PNLIPRP1: variants seen among roughly 807,000 people sequenced by gnomAD.
PNLIPRP1 encodes the protein pancreatic lipase related protein 1, also known as inactive pancreatic lipase-related protein 1.
A neutral mutation model predicts 54.6 loss-of-function variants in PNLIPRP1; 57 were observed. That is an observed-to-expected ratio of 1.04 (90% CI 0.84 to 1.30). The LOEUF (loss-of-function observed/expected upper bound fraction) is 1.30, where lower values mean the gene tolerates loss of function less well. PNLIPRP1 is among the 50% of genes most tolerant of loss of function. The pLI is 0.00. For synonymous variants in PNLIPRP1, 232 were observed against 208.8 expected (o/e 1.11, Z -0.96); for missense variants, 567 against 568.5 (o/e 1.00, Z 0.03).
In PNLIPRP1 at chr10:116,591,913, A is replaced by G. The variant is rs782610931; in HGVS notation, c.192A>G (p.Pro64=). The part of the protein sequence containing the change: ...TRFLLYTNEN[P]NNFQILLLSD... ...TCCTGCTGTACACCAATGAAAACCC[A>G]AACAACTTTCAAGTGAGACCTCTGT... Residue 64 remains proline (P), a synonymous_variant, in exon 3 of 13, where the codon CCA becomes CCG. Transcript: ENST00000358834. 3.1e-6 allele frequency: 5 copies of G among 1,614,126 alleles called. No homozygotes were observed. The highest frequency in any genetic ancestry group is 3.3e-5 in the Admixed American group (2 of 60,016).
intron 4 of PNLIPRP1, among the ~76,000 whole-genome samples, chr10:116,593,354 C>A (rs1028304010): frequency 6.6e-6 from 1 of 152,036 alleles, no homozygotes; most frequent in Non-Finnish European, 1.5e-5. Flanking sequence ...CATGTGCGTG[C>A]AATATACCAC....
At position 116,609,068 on chromosome 10, in the gene PNLIPRP1, C is replaced by T. The variant is rs926184748; in HGVS notation, c.1356C>T (p.Ser452=). 1 of 1,613,010 alleles carries T rather than the reference C, an allele frequency of 6.2e-7. No individual in the cohort carries two copies. Among genetic ancestry groups the T allele is most frequent in the Non-Finnish European group, 8.5e-7 (1 of 1,179,014 alleles). ...TTCTCCCCAGGTACAACTTCTGTAG[C>T]GAAGACACAGTGCGGGAAGACACGC... ...GEEKTVYNFC[S]EDTVREDTLL... is the part of the protein sequence containing the mutation. The change falls in exon 13 of 13, where the codon AGC becomes AGT. Residue 452 remains serine (S), a synonymous_variant. Coordinates refer to ENST00000358834, the MANE Select transcript of PNLIPRP1 (RefSeq NM_006229.4).
At position 116,598,065 on chromosome 10, in the gene PNLIPRP1, A is replaced by T; in HGVS notation, c.713A>T (p.Gln238Leu). The change falls in exon 8 of 13, where the codon CAG (glutamine) becomes CTG (leucine). Residue 238 changes from glutamine (Q) to leucine (L), a missense_variant. Transcript: ENST00000358834. ...ATTTCAGGTTTTGGAACGAACCAACAGATGGGTCATCTTGACTTCTTCCCC... is the reference window on the plus strand; with the variant it reads ...ATTTCAGGTTTTGGAACGAACCAACTGATGGGTCATCTTGACTTCTTCCCC... ...IPFLGFGTNQ[Q>L]MGHLDFFPNG... is the part of the protein sequence containing the mutation. The T allele has an allele frequency of 2.5e-6, 4 of 1,614,194 alleles. No individual in the cohort carries two copies. Among genetic ancestry groups the T allele is most frequent in the African/African-American group, 1.3e-5 (1 of 75,050 alleles).
chr10:116,595,813 G>C, intron 5 of PNLIPRP1: 1 of 162,306 alleles, frequency 6.2e-6, no homozygotes, highest in Non-Finnish European at 1.4e-5. Context: ...GGAACACATA[G>C]AAGGCAGCTA....
intron 2 of PNLIPRP1, among the ~76,000 whole-genome samples, 184 bp downstream of exon 2, chr10:116,591,362 C>A (rs72825619): frequency 0.026 from 3,956 of 152,210 alleles, 68 homozygotes; most frequent in Middle Eastern, 0.037. Context: ...TCTGGGGATC[C>A]CCCCAGTGGC....
Position 116,605,388 on chromosome 10 carries a change from G to C in PNLIPRP1, c.1175G>C (p.Gly392Ala). 1 of 1,568,006 alleles carries C rather than the reference G, an allele frequency of 6.4e-7. No individual in the cohort carries two copies. The highest frequency in any genetic ancestry group is 8.7e-7 in the Non-Finnish European group (1 of 1,148,210). ...GNTHQYSIFR[G>A]ILKPGSTHSY... is the part of the protein sequence containing the mutation. ...TGTTTATGTTTCTCTATTTCAAGGG[G>C]GATTCTCAAACCAGGCTCAACCCAT... Residue 392 changes from glycine to alanine, a missense_variant and splice_region_variant, in exon 12 of 13, where the codon GGG becomes GCG. Transcript: ENST00000358834.
At chr10:116,592,283 TG>T in intron 3 of PNLIPRP1, 132 bp from the exon 4 acceptor site, 1 of 949,088 alleles carries the variant, frequency 1.1e-6, no homozygotes, top group Non-Finnish European at 1.6e-6. Flanking sequence ...GAGATCAGGG[TG>T]GGCTTCATGG....
chr10:116,597,792 G>A (rs1847762247), intron 6 of PNLIPRP1, 36 bp from the exon 7 acceptor site: 2 of 1,613,700 alleles, frequency 1.2e-6, no homozygotes, highest in Middle Eastern at 1.7e-4. Context: ...TCTACAGTCA[G>A]GTCTATTGTT....
In PNLIPRP1 at chr10:116,604,043, G is replaced by A. The variant is rs782553168; in HGVS notation, c.1077G>A (p.Gly359=). Residue 359 remains glycine, a synonymous_variant, in exon 11 of 13, where the codon GGG becomes GGA. Coordinates refer to ENST00000358834, the MANE Select transcript of PNLIPRP1 (RefSeq NM_006229.4). ...EASNFARWRY[G]VSITLSGRTA... ...TCTCCTGTGCAGGCTGGAGATATGGGGTTTCCATCACACTGTCTGGAAGAA... is the reference window on the plus strand; with the variant it reads ...TCTCCTGTGCAGGCTGGAGATATGGAGTTTCCATCACACTGTCTGGAAGAA... 1.9e-6 allele frequency: 3 copies of A among 1,611,774 alleles called. No individual in the cohort carries two copies. The highest frequency in any genetic ancestry group is 2.2e-5 in the East Asian group (1 of 44,828).
At chr10:116,601,032 A>G (rs1847827591) in intron 9 of PNLIPRP1, 40 bp from the exon 10 acceptor site, 3 of 1,577,902 alleles carry the variant, frequency 1.9e-6, no homozygotes, top group South Asian at 2.3e-5. Flanking sequence ...TCATACAAAC[A>G]CAAATTCTCC....
chr10:116,597,578 T>C (rs1189161144), intron 6 of PNLIPRP1, among the ~76,000 whole-genome samples: 1 of 152,184 alleles, frequency 6.6e-6, no homozygotes, highest in Non-Finnish European at 1.5e-5. Context: ...AAAAAATCCT[T>C]GCTTAAACAA....
At chr10:116,591,263 G>T (rs1013542432) in intron 2 of PNLIPRP1, 85 bp downstream of exon 2, 3 of 956,708 alleles carry the variant, frequency 3.1e-6, no homozygotes, top group Admixed American at 3.9e-5. Context: ...CTGTGGCAGG[G>T]CTCCCAGCAG....
Position 116,604,061 on chromosome 10 carries a change from T to C in PNLIPRP1, c.1095T>C (p.Ser365=). 1.2e-6 allele frequency: 2 copies of C among 1,613,742 alleles called. No homozygotes were observed. The highest frequency in any genetic ancestry group is 1.7e-6 in the Non-Finnish European group (2 of 1,179,676). The change falls in exon 11 of 13, where the codon TCT becomes TCC. Residue 365 remains serine, a synonymous_variant. Transcript: ENST00000358834. ...RWRYGVSITL[S]GRTATGQIKV... is the part of the protein sequence containing the mutation. Reference sequence around the variant, plus strand: ...GATATGGGGTTTCCATCACACTGTCTGGAAGAACAGCCACTGGTCAGATCA... The same window carrying C: ...GATATGGGGTTTCCATCACACTGTCCGGAAGAACAGCCACTGGTCAGATCA...
rs183045115 is a variant in PNLIPRP1 at position 116,597,952 on chromosome 10, G to T, written c.694+5G>T. 4 of 1,614,168 alleles carry T rather than the reference G, an allele frequency of 2.5e-6. No homozygotes were observed. The East Asian group carries it at 8.9e-5, about 36-fold the overall frequency. On this transcript the variant is annotated splice_donor_5th_base_variant and intron_variant, in intron 7 of 12. Coordinates refer to ENST00000358834, the MANE Select transcript of PNLIPRP1 (RefSeq NM_006229.4). ...CTCCCCTGATCCCATTCTTGGGTGA[G>T]ACCTATGATGCTCCAGCTGTGAGCA...
chr10:116,594,919 T>C (rs1478088205), intron 5 of PNLIPRP1, 55 bp downstream of exon 5: 5 of 1,592,874 alleles, frequency 3.1e-6, no homozygotes, highest in African/African-American at 1.3e-5. Flanking sequence ...CTGGTCTCTG[T>C]TTGGTAGAGA....
chr10:116,592,020 C>T (rs1847648395), intron 3 of PNLIPRP1, 95 bp downstream of exon 3: 2 of 1,310,020 alleles, frequency 1.5e-6, no homozygotes, highest in African/African-American at 1.4e-5. Context: ...CCTCTTCCTC[C>T]ACCATGCCCC....
chr10:116,599,462 C>T (rs1198210493), intron 8 of PNLIPRP1, among the ~76,000 whole-genome samples: 1 of 151,992 alleles, frequency 6.6e-6, no homozygotes, highest in Non-Finnish European at 1.5e-5. Flanking sequence ...GCAGGGAGCC[C>T]AGAAAGGTTG....
Position 116,596,213 on chromosome 10 carries a change from G to C in PNLIPRP1, c.466-1G>C. 6.2e-7 allele frequency: 1 copy of C among 1,600,564 alleles called. No individual in the cohort carries two copies. ...CTGAAAATACAATCTTCCCTCTCCAGACAGAGTATAGCTACCCCCCTTCCA... is the reference window on the plus strand; with the variant it reads ...CTGAAAATACAATCTTCCCTCTCCACACAGAGTATAGCTACCCCCCTTCCA... On this transcript the variant is annotated splice_acceptor_variant, in intron 5 of 12. Coordinates refer to ENST00000358834, the MANE Select transcript of PNLIPRP1 (RefSeq NM_006229.4). LOFTEE classifies it high-confidence loss of function.
chr10:116,602,747 G>A (rs1564739453), intron 10 of PNLIPRP1, among the ~76,000 whole-genome samples: 2 of 150,568 alleles, frequency 1.3e-5, no homozygotes, highest in Admixed American at 1.3e-4. Flanking sequence ...ATGAATGCAT[G>A]TGTGAGTGTG....
Sources: allele counts gnomAD v4.1 joint callset (sites outside exome capture counted in the v4.1 genomes callset), GRCh38; gene constraint gnomAD v4.1.1; transcripts MANE v1.5; gene names NCBI Gene and HGNC (gene_info 2026-07-23, HGNC 2026-07-21).